CDH13: variants seen among roughly 807,000 people sequenced by gnomAD.
CDH13 encodes cadherin-13.
In CDH13, 24 loss-of-function variants were observed where a neutral mutation model predicts 63.8. That is an observed-to-expected ratio of 0.38 (90% CI 0.27 to 0.53). The LOEUF is 0.53. CDH13 is among the 20% of genes least tolerant of loss of function. CDH13 has a pLI of 0.85. For missense variants in CDH13, 1,049 were observed against 903.1 expected, an observed-to-expected ratio of 1.16 and a Z score of -2.07; for synonymous variants, 503 against 355.3, an observed-to-expected ratio of 1.42 and a Z score of -4.67.
chr16:83,131,774 G>C (rs2036063982), intron 4 of CDH13, among the ~76,000 whole-genome samples: 1 of 152,100 alleles, frequency 6.6e-6, no homozygotes, highest in Non-Finnish European at 1.5e-5. Context: ...AGAAAATCCT[G>C]TTTTAAAGAC....
chr16:82,912,079 A>G (rs568176103), intron 2 of CDH13, among the ~76,000 whole-genome samples: 1 of 152,030 alleles, frequency 6.6e-6, no homozygotes, highest in South Asian at 2.1e-4. Flanking sequence ...CCGTCTCTTC[A>G]GCCATCCCAT....
At chr16:82,747,784 C>T (rs77816025) in intron 1 of CDH13, among the ~76,000 whole-genome samples, 1 of 152,270 alleles carries the variant, frequency 6.6e-6, no homozygotes, top group African/African-American at 2.4e-5. Context: ...TATGTCAACT[C>T]TTGGGATTTA....
chr16:83,344,080 G>A (rs947117405), intron 5 of CDH13, among the ~76,000 whole-genome samples: 3 of 152,054 alleles, frequency 2.0e-5, no homozygotes, highest in Admixed American at 6.6e-5. Context: ...ACTCCTATGC[G>A]GGGACCAACA....
intron 2 of CDH13, among the ~76,000 whole-genome samples, chr16:83,011,544 C>G (rs917056581): frequency 1.3e-5 from 2 of 152,136 alleles, no homozygotes; most frequent in Non-Finnish European, 2.9e-5. Flanking sequence ...AAGGCTGTCT[C>G]TTTCCCCATC....
At chr16:83,481,985 T>C (rs1402808569) in intron 6 of CDH13, among the ~76,000 whole-genome samples, 1 of 152,126 alleles carries the variant, frequency 6.6e-6, no homozygotes, top group Non-Finnish European at 1.5e-5. Context: ...TTGGAGCAGG[T>C]GCACTGAGGC....
At chr16:83,329,803 C>G (rs1003031670) in intron 5 of CDH13, among the ~76,000 whole-genome samples, 1 of 152,124 alleles carries the variant, frequency 6.6e-6, no homozygotes, top group Admixed American at 6.6e-5. Context: ...GGCTTTATTT[C>G]AGTTAATATA....
chr16:83,502,367 A>G (rs1319589446), intron 7 of CDH13, among the ~76,000 whole-genome samples: 1 of 152,040 alleles, frequency 6.6e-6, no homozygotes, highest in Non-Finnish European at 1.5e-5. Flanking sequence ...CTGTGGACAG[A>G]GCTTCTGGCA....
At chr16:83,552,733 A>G (rs536829323) in intron 7 of CDH13, among the ~76,000 whole-genome samples, 11 of 152,220 alleles carry the variant, frequency 7.2e-5, no homozygotes, top group Admixed American at 1.3e-4. Flanking sequence ...AAAAGAGATT[A>G]CTGCATTTCA....
intron 6 of CDH13, among the ~76,000 whole-genome samples, chr16:83,449,417 C>T (rs2072815870): frequency 1.3e-5 from 2 of 152,174 alleles, no homozygotes; most frequent in Non-Finnish European, 1.5e-5. Context: ...CACACATCTT[C>T]GTCATGTCCT....
At position 82,714,247 on chromosome 16, in the gene CDH13, G is replaced by T. The variant is rs569359080; in HGVS notation, c.45+87110G>T. Among the ~76,000 whole-genome samples, 4 of 152,226 alleles carry T rather than the reference G, an allele frequency of 2.6e-5. No homozygotes were observed. The South Asian group carries it at 6.2e-4, about 24-fold the overall frequency. On this transcript the variant is annotated intron_variant, in intron 1 of 13. Transcript: ENST00000567109. The stretch of plus-strand genomic sequence containing the variant: ...TCCCCAGGGCTGAACCAACATACCC[G>T]CTTCCAAGTCTATTAAGTATTGAAT...
intron 8 of CDH13, among the ~76,000 whole-genome samples, chr16:83,603,153 G>C (rs1908009291): frequency 6.6e-6 from 1 of 152,172 alleles, no homozygotes; most frequent in Admixed American, 6.5e-5. Context: ...GCGATGTTTG[G>C]GGAAGGGCTG....
chr16:82,870,543 C>T (rs1169989434), intron 2 of CDH13, among the ~76,000 whole-genome samples: 1 of 151,946 alleles, frequency 6.6e-6, no homozygotes, highest in Non-Finnish European at 1.5e-5. Context: ...TACACAAATA[C>T]AGCTAGAATG....
chr16:83,341,650 C>A (rs1326568415), intron 5 of CDH13, among the ~76,000 whole-genome samples: 1 of 152,160 alleles, frequency 6.6e-6, no homozygotes, highest in Non-Finnish European at 1.5e-5. Context: ...CCCAGGGACT[C>A]ATAGGAAGAA....
At chr16:82,974,557 T>G (rs969037330) in intron 2 of CDH13, among the ~76,000 whole-genome samples, 1 of 152,134 alleles carries the variant, frequency 6.6e-6, no homozygotes, top group Non-Finnish European at 1.5e-5. Context: ...TATGTGACCT[T>G]GGGTGGCAAA....
intron 1 of CDH13, among the ~76,000 whole-genome samples, chr16:82,850,571 G>T (rs1018088840): frequency 1.3e-5 from 2 of 152,198 alleles, no homozygotes; most frequent in African/African-American, 4.8e-5. Context: ...CAGCAGCAGG[G>T]TTTGAGAGGA....
chr16:83,203,711 T>A (rs1044137765), intron 4 of CDH13, among the ~76,000 whole-genome samples: 4 of 147,088 alleles, frequency 2.7e-5, no homozygotes, highest in South Asian at 2.2e-4. Flanking sequence ...AAGCAAAATC[T>A]ATACACTAAT....
intron 1 of CDH13, among the ~76,000 whole-genome samples, chr16:82,711,802 T>A (rs1281585752): frequency 1.3e-5 from 2 of 152,240 alleles, no homozygotes; most frequent in African/African-American, 4.8e-5. Flanking sequence ...GTGATGCCGA[T>A]GAGTTCCCAC....
At chr16:82,636,412 A>G (rs1333922251) in intron 1 of CDH13, among the ~76,000 whole-genome samples, 1 of 152,178 alleles carries the variant, frequency 6.6e-6, no homozygotes, top group Non-Finnish European at 1.5e-5. Context: ...GGGCCTGGAA[A>G]TGCCCTTGAA....
intron 8 of CDH13, among the ~76,000 whole-genome samples, chr16:83,627,845 C>A (rs1434047581): frequency 6.6e-6 from 1 of 152,200 alleles, no homozygotes; most frequent in Non-Finnish European, 1.5e-5. Flanking sequence ...ACACCATAGA[C>A]AGAGCAGCCC....
Sources: allele counts gnomAD v4.1 joint callset (sites outside exome capture counted in the v4.1 genomes callset), GRCh38; gene constraint gnomAD v4.1.1; transcripts MANE v1.5; gene names NCBI Gene and HGNC (gene_info 2026-07-23, HGNC 2026-07-21).